ARFIP1: variants seen among roughly 807,000 people sequenced by gnomAD.
ARFIP1 encodes the protein ARF interacting protein 1.
Under a neutral mutation model 42.5 loss-of-function variants are expected in ARFIP1, and 24 were observed. The observed-to-expected ratio is 0.57, with a 90% CI of 0.41 to 0.80. ARFIP1 has a LOEUF of 0.80. Among genes scored for constraint, ARFIP1 ranks in the 30% least tolerant of loss-of-function variants. The pLI is 0.00. For missense variants in ARFIP1, 354 were observed against 434.0 expected, an observed-to-expected ratio of 0.82 and a Z score of 1.64; for synonymous variants, 141 against 153.7, an observed-to-expected ratio of 0.92 and a Z score of 0.61.
intron 2 of ARFIP1, among the ~76,000 whole-genome samples, chr4:152,856,028 A>G (rs543790637): frequency 1.3e-5 from 2 of 152,140 alleles, no homozygotes; most frequent in Non-Finnish European, 2.9e-5. Flanking sequence ...GGAGGAAGGG[A>G]GTGCGAAATG....
intron 2 of ARFIP1, among the ~76,000 whole-genome samples, chr4:152,862,146 T>C (rs557100026): frequency 6.6e-6 from 1 of 152,326 alleles, no homozygotes; most frequent in East Asian, 1.9e-4. Flanking sequence ...GCCTCCATGC[T>C]ATCCCAATAA....
intron 7 of ARFIP1, among the ~76,000 whole-genome samples, chr4:152,887,431 G>A (rs1355017038): frequency 6.6e-6 from 1 of 151,972 alleles, no homozygotes; most frequent in Non-Finnish European, 1.5e-5. Context: ...CACATGTCTG[G>A]TGAGCACTTG....
intron 5 of ARFIP1, among the ~76,000 whole-genome samples, chr4:152,875,378 TAAAAAAA>T (rs11302481): frequency 2.8e-4 from 28 of 100,144 alleles, no homozygotes; most frequent in Admixed American, 2.0e-3. Flanking sequence ...TCTTTTTTTA[TAAAAAAA>T]AAAAAAAAAA....
At chr4:152,829,752 T>G in intron 2 of ARFIP1, 26 bp downstream of exon 2, 1 of 1,515,878 alleles carries the variant, frequency 6.6e-7, no homozygotes, top group Non-Finnish European at 9.0e-7. Flanking sequence ...TTTCTCTTAA[T>G]GCAAAGAATC....
intron 2 of ARFIP1, among the ~76,000 whole-genome samples, chr4:152,855,569 G>C (rs1254158720): frequency 6.6e-6 from 1 of 152,204 alleles, no homozygotes; most frequent in African/African-American, 2.4e-5. Context: ...AAGTCCTAGG[G>C]CCTGCAGCCC....
intron 1 of ARFIP1, among the ~76,000 whole-genome samples, chr4:152,790,227 T>G (rs112480313): frequency 1.2e-3 from 188 of 152,338 alleles, no homozygotes; most frequent in African/African-American, 4.3e-3. Flanking sequence ...TTTGGGAATT[T>G]AGTAACAAAA....
At chr4:152,906,386 T>C (rs1228068339) in intron 8 of ARFIP1, among the ~76,000 whole-genome samples, 2 of 152,232 alleles carry the variant, frequency 1.3e-5, no homozygotes, top group Non-Finnish European at 2.9e-5. Flanking sequence ...GTCTTTGCCA[T>C]TTCGGTAAAT....
At chr4:152,882,459 G>A (rs1044245754) in intron 6 of ARFIP1, among the ~76,000 whole-genome samples, 1 of 152,052 alleles carries the variant, frequency 6.6e-6, no homozygotes, top group African/African-American at 2.4e-5. Flanking sequence ...TGAAAATATT[G>A]TTTCTACTAC....
intron 1 of ARFIP1, among the ~76,000 whole-genome samples, chr4:152,818,708 A>G (rs1424494512): frequency 6.6e-6 from 1 of 152,110 alleles, no homozygotes; most frequent in Non-Finnish European, 1.5e-5. Context: ...TGTGTCTCTG[A>G]ATAGGTTGGT....
chr4:152,876,300 T>C (rs1735324891), intron 5 of ARFIP1, among the ~76,000 whole-genome samples: 1 of 152,228 alleles, frequency 6.6e-6, no homozygotes, highest in African/African-American at 2.4e-5. Flanking sequence ...AATAGCGATA[T>C]GGACAATAAA....
At position 152,804,275 on chromosome 4, in the gene ARFIP1, T is replaced by TAAC. The variant is rs1385871697; in HGVS notation, c.-10+24050_-10+24051insACA. ...TATAACATGTATTATATATTATATA[T>TAAC]ATAACATAACATGTATTATATATAT... On this transcript the variant is annotated intron_variant, in intron 1 of 8. Coordinates refer to ENST00000353617, the MANE Select transcript of ARFIP1 (RefSeq NM_001025595.3). Among the ~76,000 whole-genome samples, 161 of 90,094 alleles carry TAAC rather than the reference T, an allele frequency of 1.8e-3. 33 individuals carry two copies. The highest frequency in any genetic ancestry group is 2.8e-3 in the Non-Finnish European group (138 of 49,872). The allele number at this position is 90,094 out of a possible 152,430, so 59.1% of individuals were successfully genotyped here. A position where few individuals can be genotyped will look rare whatever the true frequency, so the allele number is the denominator to read the frequency against.
At chr4:152,780,957 C>T (rs986010202) in intron 1 of ARFIP1, among the ~76,000 whole-genome samples, 2 of 152,184 alleles carry the variant, frequency 1.3e-5, no homozygotes, top group African/African-American at 4.8e-5. Flanking sequence ...CTTTATACTT[C>T]CTGCAGATCC....
At chr4:152,887,772 G>C (rs751233655) in intron 7 of ARFIP1, among the ~76,000 whole-genome samples, 9 of 151,988 alleles carry the variant, frequency 5.9e-5, no homozygotes, top group Non-Finnish European at 8.8e-5. Flanking sequence ...AGAGTCTGCT[G>C]TCCTTACCTG....
chr4:152,906,390 G>A lies in ARFIP1; in HGVS notation c.967-3674G>A, dbSNP rs560807370. Reference sequence around the variant, plus strand: ...CCCCTCTCACAGTCTTTGCCATTTCGGTAAATGCAACTTCATTCTTTCAGT... The same window carrying A: ...CCCCTCTCACAGTCTTTGCCATTTCAGTAAATGCAACTTCATTCTTTCAGT... On this transcript the variant is annotated intron_variant, in intron 8 of 8. Coordinates refer to ENST00000353617, the MANE Select transcript of ARFIP1 (RefSeq NM_001025595.3). Among the ~76,000 whole-genome samples the A allele has an allele frequency of 5.3e-5, 8 of 152,232 alleles. No individual in the cohort carries two copies. In the South Asian group the frequency reaches 8.3e-4, roughly 16 times the overall value.
chr4:152,907,712 T>C (rs1738486026), intron 8 of ARFIP1, among the ~76,000 whole-genome samples: 1 of 152,232 alleles, frequency 6.6e-6, no homozygotes, highest in Non-Finnish European at 1.5e-5. Context: ...TGCATGTAGC[T>C]ACAGTTCATT....
At chr4:152,821,100 C>T (rs1056646301) in intron 1 of ARFIP1, among the ~76,000 whole-genome samples, 3 of 152,170 alleles carry the variant, frequency 2.0e-5, no homozygotes, top group African/African-American at 7.2e-5. Context: ...GAGTCACCCC[C>T]AAGAGATCAC....
At chr4:152,890,605 C>T (rs1208925877) in intron 8 of ARFIP1, among the ~76,000 whole-genome samples, 3 of 152,040 alleles carry the variant, frequency 2.0e-5, no homozygotes, top group South Asian at 2.1e-4. Flanking sequence ...TAAGGCTGCA[C>T]GACAGGGGTC....
intron 2 of ARFIP1, among the ~76,000 whole-genome samples, chr4:152,831,151 A>G (rs1731213939): frequency 6.6e-6 from 1 of 152,234 alleles, no homozygotes; most frequent in Non-Finnish European, 1.5e-5. Flanking sequence ...ATTACCTGAT[A>G]AACTTTTACT....
chr4:152,785,939 A>G (rs532554620), intron 1 of ARFIP1, among the ~76,000 whole-genome samples: 6 of 152,204 alleles, frequency 3.9e-5, no homozygotes, highest in Non-Finnish European at 7.3e-5. Context: ...TTCCAACAAC[A>G]TTGGCCAGCC....
Sources: allele counts gnomAD v4.1 joint callset (sites outside exome capture counted in the v4.1 genomes callset), GRCh38; gene constraint gnomAD v4.1.1; transcripts MANE v1.5; gene names NCBI Gene and HGNC (gene_info 2026-07-23, HGNC 2026-07-21).